Variants in PRELID2 observed in about 807,000 individuals in gnomAD.
PRELID2 encodes the protein PRELI domain-containing protein 2.
A neutral mutation model predicts 28.4 loss-of-function variants in PRELID2; 25 were observed. The observed-to-expected ratio is 0.88, with a 90% CI of 0.64 to 1.23. PRELID2 has a LOEUF of 1.23. PRELID2 is among the 50% of genes most tolerant of loss of function. PRELID2 has a pLI of 0.00. For missense variants in PRELID2, 201 were observed against 214.4 expected (o/e 0.94, Z 0.39); for synonymous variants, 76 against 71.6 (o/e 1.06, Z -0.31).
At position 145,619,134 on chromosome 5, in the gene PRELID2, T is replaced by C. The variant is rs114447680; in HGVS notation, n.70+145797A>G. On this transcript the variant is annotated intron_variant and non_coding_transcript_variant, in intron 1 of 2. Transcript: ENST00000510259. ...TCCCAGCTGTGAAAGAAAAAGGCCT[T>C]AGTTCTTCCCCCACGTGTGGAGTCT... Among the ~76,000 whole-genome samples the C allele has an allele frequency of 3.1e-3, 474 of 152,290 alleles. 2 individuals are homozygous for C. Among genetic ancestry groups the C allele is most frequent in the African/African-American group, 0.011 (459 of 41,564 alleles).
chr5:145,797,397 C>T (rs1264728301), intron 4 of PRELID2, among the ~76,000 whole-genome samples: 1 of 152,080 alleles, frequency 6.6e-6, no homozygotes, highest in Non-Finnish European at 1.5e-5. Context: ...TAGTGTAACG[C>T]AATCAAGAAA....
At chr5:145,668,170 A>G (rs1754633292) in intron 1 of PRELID2, among the ~76,000 whole-genome samples, 1 of 152,068 alleles carries the variant, frequency 6.6e-6, no homozygotes, top group South Asian at 2.1e-4. Flanking sequence ...GTGAATGTGT[A>G]CTACCAAAAC....
In PRELID2 at chr5:145,583,073, C is replaced by T. The variant is rs549608509; in HGVS notation, n.71-109758G>A. Among the ~76,000 whole-genome samples the T allele has an allele frequency of 6.6e-5, 10 of 152,230 alleles. 1 individual carries two copies. In the South Asian group the frequency reaches 2.1e-3, roughly 31 times the overall value. ...TACTGGTAAACAAAATCCAGCAGCA[C>T]ATCAAAAAGCTTATCCACCATGATC... On this transcript the variant is annotated intron_variant and non_coding_transcript_variant, in intron 1 of 2. Transcript: ENST00000510259.
At chr5:145,372,459 C>T in the PRELID2 span, among the ~76,000 whole-genome samples, 1 of 151,876 alleles carries the variant, frequency 6.6e-6, no homozygotes, top group Admixed American at 6.6e-5. Flanking sequence ...TAAAATCTCC[C>T]ATTATTTTTG....
At chr5:145,483,748 G>A (rs116198022) in intron 1 of PRELID2, among the ~76,000 whole-genome samples, 2 of 152,110 alleles carry the variant, frequency 1.3e-5, no homozygotes, top group African/African-American at 4.8e-5. Context: ...ACAATCTACG[G>A]AGTTGAAAAC....
chr5:145,684,528 A>C (rs1230585156), intron 1 of PRELID2, among the ~76,000 whole-genome samples: 3 of 152,218 alleles, frequency 2.0e-5, no homozygotes, highest in Admixed American at 6.5e-5. Context: ...GCCCATGTGC[A>C]GGCACTGTGC....
chr5:145,611,945 C>T (rs1753622961), intron 1 of PRELID2, among the ~76,000 whole-genome samples: 1 of 152,166 alleles, frequency 6.6e-6, no homozygotes, highest in South Asian at 2.1e-4. Flanking sequence ...TTGATACAAA[C>T]ATTGACAAAT....
chr5:145,669,135 A>C (rs1754654517), intron 1 of PRELID2, among the ~76,000 whole-genome samples: 1 of 152,140 alleles, frequency 6.6e-6, no homozygotes, highest in African/African-American at 2.4e-5. Context: ...ATAGAGAATT[A>C]TCGTTAAACT....
the PRELID2 span, among the ~76,000 whole-genome samples, chr5:145,337,686 AATATATATATAT>A: frequency 0.03 from 2,412 of 79,856 alleles, 57 homozygotes; most frequent in East Asian, 0.062. Context: ...GCATAGGGCA[AATATATATATAT>A]ATATATATAT....
the PRELID2 span, chr5:145,229,498 CA>C: frequency 1.7e-6 from 2 of 1,169,194 alleles, no homozygotes; most frequent in Non-Finnish European, 2.5e-6. Context: ...AGATCCAATT[CA>C]AAAAAGGAGT....
intron 1 of PRELID2, among the ~76,000 whole-genome samples, chr5:145,678,587 T>C (rs1167724345): frequency 1.3e-5 from 2 of 152,032 alleles, no homozygotes; most frequent in Non-Finnish European, 2.9e-5. Context: ...TTATTATGAG[T>C]TCAAAACTCT....
intron 5 of PRELID2, among the ~76,000 whole-genome samples, chr5:145,786,094 C>T (rs1189669479): frequency 6.6e-6 from 1 of 152,146 alleles, no homozygotes; most frequent in African/African-American, 2.4e-5. Flanking sequence ...CAGAAATTTC[C>T]ATAAACTGTT....
At chr5:145,568,455 C>T (rs1307734086) in intron 1 of PRELID2, among the ~76,000 whole-genome samples, 3 of 152,154 alleles carry the variant, frequency 2.0e-5, no homozygotes, top group Non-Finnish European at 4.4e-5. Flanking sequence ...TCTAAATCAA[C>T]CAACTAATTA....
the PRELID2 span, among the ~76,000 whole-genome samples, chr5:145,415,166 A>G: frequency 2.0e-5 from 3 of 152,202 alleles, no homozygotes; most frequent in African/African-American, 7.2e-5. Flanking sequence ...ATCAAATTAG[A>G]TTGAAAAATT....
At chr5:145,791,016 C>G (rs1484606236) in intron 5 of PRELID2, among the ~76,000 whole-genome samples, 1 of 151,698 alleles carries the variant, frequency 6.6e-6, no homozygotes, top group Non-Finnish European at 1.5e-5. Context: ...AACAATCCAC[C>G]AATGGATGAT....
chr5:145,687,680 T>G (rs1755063290), intron 1 of PRELID2, among the ~76,000 whole-genome samples: 1 of 152,238 alleles, frequency 6.6e-6, no homozygotes, highest in Admixed American at 6.5e-5. Context: ...TATGCATCAC[T>G]AGCATTTAGG....
chr5:145,418,971 T>C, the PRELID2 span, among the ~76,000 whole-genome samples: 4 of 148,762 alleles, frequency 2.7e-5, no homozygotes, highest in African/African-American at 7.6e-5. Flanking sequence ...TGAGTGAGAA[T>C]ATGTGGTGTT....
intron 1 of PRELID2, among the ~76,000 whole-genome samples, chr5:145,608,301 T>C (rs1287153377): frequency 6.6e-6 from 1 of 152,214 alleles, no homozygotes; most frequent in South Asian, 2.1e-4. Flanking sequence ...TAGCTGGTTA[T>C]TATGCAGACT....
chr5:145,412,875 A>G, the PRELID2 span, among the ~76,000 whole-genome samples: 40 of 152,288 alleles, frequency 2.6e-4, no homozygotes, highest in East Asian at 7.1e-3. Context: ...GGGTGGCAGG[A>G]GACAGAATGA....
Sources: allele counts gnomAD v4.1 joint callset (sites outside exome capture counted in the v4.1 genomes callset), GRCh38; gene constraint gnomAD v4.1.1; transcripts MANE v1.5; gene names NCBI Gene and HGNC (gene_info 2026-07-23, HGNC 2026-07-21).